ZMYM2: variants seen among roughly 807,000 people sequenced by gnomAD.
ZMYM2 encodes the protein zinc finger MYM-type protein 2.
A neutral mutation model predicts 162.8 loss-of-function variants in ZMYM2; 56 were observed. That is an observed-to-expected ratio of 0.34 (90% CI 0.28 to 0.43). The LOEUF (loss-of-function observed/expected upper bound fraction) is 0.43, where lower values mean the gene tolerates loss of function less well. ZMYM2 is among the 20% of genes least tolerant of loss of function. The probability of loss-of-function intolerance (pLI) is 1.00; values close to 1 mark genes in which losing one functional copy is unlikely to be tolerated. For missense variants in ZMYM2, 1,275 were observed against 1,621.8 expected (o/e 0.79, Z 3.67); for synonymous variants, 510 against 541.6 (o/e 0.94, Z 0.81).
chr13:19,939,862 T>A, the ZMYM2 span, among the ~76,000 whole-genome samples: 1 of 152,220 alleles, frequency 6.6e-6, no homozygotes, highest in Non-Finnish European at 1.5e-5. Context: ...TGGTAGGTAC[T>A]ATTGTTTATA....
At chr13:19,917,398 G>A in the ZMYM2 span, among the ~76,000 whole-genome samples, 1 of 152,012 alleles carries the variant, frequency 6.6e-6, no homozygotes, top group Non-Finnish European at 1.5e-5. Flanking sequence ...AGACCAGCCT[G>A]GCCGATATGA....
chr13:19,885,948 TATACAC>T, the ZMYM2 span, among the ~76,000 whole-genome samples: 32 of 123,918 alleles, frequency 2.6e-4, 9 homozygotes, highest in African/African-American at 9.4e-4. Context: ...TATATATGTA[TATACAC>T]ATATATATGT....
intron 21 of ZMYM2, among the ~76,000 whole-genome samples, chr13:20,071,414 G>A (rs1284130301): frequency 6.6e-6 from 1 of 152,192 alleles, no homozygotes; most frequent in African/African-American, 2.4e-5. Flanking sequence ...CACTGAATAG[G>A]GTGGGAATGG....
chr13:20,062,711 CCTTTT>C (rs767404081), intron 17 of ZMYM2, 130 bp from the exon 18 acceptor site: 42 of 850,644 alleles, frequency 4.9e-5, no homozygotes, highest in Non-Finnish European at 5.9e-5. Context: ...TATAATATGC[CCTTTT>C]CTTTTGTGAC....
chr13:20,029,197 A>G (rs1182937157), intron 9 of ZMYM2, among the ~76,000 whole-genome samples: 1 of 152,202 alleles, frequency 6.6e-6, no homozygotes, highest in East Asian at 1.9e-4. Context: ...TGTCCGTTGA[A>G]GGTCTATTCC....
intron 2 of ZMYM2, among the ~76,000 whole-genome samples, chr13:19,988,005 TC>T (rs1566227928): frequency 2.0e-5 from 3 of 152,356 alleles, no homozygotes; most frequent in African/African-American, 7.2e-5. Context: ...CAGCTCTTTC[TC>T]TGAGAGGAAT....
upstream of ZMYM2, among the ~76,000 whole-genome samples, chr13:19,957,146 ATTT>A (rs201769591): frequency 1.3e-5 from 2 of 151,842 alleles, no homozygotes; most frequent in African/African-American, 2.4e-5. Flanking sequence ...TACTTGATTT[ATTT>A]TTTTTAATGA....
rs868548962 is a variant in ZMYM2, at chr13:20,088,274, G to T, written c.*2260G>T. 26 of 208,348 alleles carry T rather than the reference G, an allele frequency of 1.2e-4. No individual in the cohort carries two copies. The highest frequency in any genetic ancestry group is 2.4e-4 in the Admixed American group (4 of 16,932). 12.9% of individuals were successfully genotyped at this position (208,348 alleles called of 1,614,324 possible). On this transcript the variant is annotated 3_prime_UTR_variant, in exon 25 of 25. Transcript: ENST00000610343. ...TGTTCTGTGAAACTCACTTCACCTA[G>T]AACACATTTCATTGATTCTTGGATC...
chr13:20,029,323 G>A (rs1952864238), intron 9 of ZMYM2, among the ~76,000 whole-genome samples: 1 of 152,200 alleles, frequency 6.6e-6, no homozygotes, highest in Non-Finnish European at 1.5e-5. Context: ...AGCTCTAATG[G>A]TCTGATCACC....
At chr13:20,032,328 T>TGGATACATGGCCAAGACTGGCCAA (rs1209666579) in intron 10 of ZMYM2, among the ~76,000 whole-genome samples, 1 of 151,618 alleles carries the variant, frequency 6.6e-6, no homozygotes, top group Non-Finnish European at 1.5e-5. Flanking sequence ...CAGTAATAGA[T>TGGATACATGGCCAAGACTGGCCAA]GGATACATGG....
chr13:20,046,764 T>TA (rs1183610616), intron 12 of ZMYM2, among the ~76,000 whole-genome samples: 1 of 151,558 alleles, frequency 6.6e-6, no homozygotes, highest in Non-Finnish European at 1.5e-5. Flanking sequence ...GAAGCAAAGG[T>TA]ACGTTCTTTG....
intron 21 of ZMYM2, chr13:20,071,093 TTC>T (rs1957055816): frequency 6.6e-6 from 1 of 152,512 alleles, no homozygotes. Context: ...ATCAAAAGTC[TTC>T]TGGTTTTTTT....
intron 7 of ZMYM2, among the ~76,000 whole-genome samples, chr13:20,021,092 C>T (rs1270106105): frequency 6.6e-6 from 1 of 151,126 alleles, no homozygotes; most frequent in East Asian, 1.9e-4. Flanking sequence ...TCTCCTGCCT[C>T]AGCCTCCCTA....
At chr13:19,915,765 A>G in the ZMYM2 span, among the ~76,000 whole-genome samples, 1 of 152,010 alleles carries the variant, frequency 6.6e-6, no homozygotes, top group East Asian at 1.9e-4. Flanking sequence ...CGCCCTCCCA[A>G]AGTGCTAGGA....
At chr13:20,055,775 C>T (rs139346648) in intron 14 of ZMYM2, among the ~76,000 whole-genome samples, 1 of 151,704 alleles carries the variant, frequency 6.6e-6, no homozygotes, top group East Asian at 1.9e-4. Context: ...ACTAAACTTA[C>T]GGATTCATGA....
At chr13:19,946,873 G>A in the ZMYM2 span, among the ~76,000 whole-genome samples, 1 of 152,092 alleles carries the variant, frequency 6.6e-6, no homozygotes, top group Non-Finnish European at 1.5e-5. Context: ...TATAGATGTG[G>A]TGTCTTAAAA....
At chr13:20,045,823 T>C (rs1036506860) in intron 12 of ZMYM2, among the ~76,000 whole-genome samples, 5 of 152,152 alleles carry the variant, frequency 3.3e-5, no homozygotes, top group African/African-American at 1.2e-4. Flanking sequence ...AAATTATGAA[T>C]ATAAAATTTT....
chr13:19,925,702 A>G, the ZMYM2 span, among the ~76,000 whole-genome samples: 2 of 151,606 alleles, frequency 1.3e-5, no homozygotes, highest in Non-Finnish European at 2.9e-5. Flanking sequence ...GTGAAACCCC[A>G]TCTACACTAA....
At chr13:19,900,516 G>A in the ZMYM2 span, among the ~76,000 whole-genome samples, 2 of 151,944 alleles carry the variant, frequency 1.3e-5, no homozygotes, top group African/African-American at 2.4e-5. Flanking sequence ...TATATTTATC[G>A]AAGAATTAAC....
Sources: gnomAD v4.1 joint callset for allele counts (sites outside exome capture counted in the v4.1 genomes callset) on GRCh38, gnomAD v4.1.1 for gene constraint, MANE v1.5 for transcripts, NCBI Gene and HGNC (gene_info 2026-07-23, HGNC 2026-07-21) for gene names.